Variants in PAQR8 observed in about 807,000 individuals in gnomAD.
PAQR8 encodes membrane progestin receptor beta.
In PAQR8, 17 loss-of-function variants were observed where a neutral mutation model predicts 25.2. The ratio of observed to expected loss-of-function variants is 0.67; its 90% CI spans 0.46 to 1.01. PAQR8 has a LOEUF of 1.01. Among genes scored for constraint, PAQR8 ranks in the 50% least tolerant of loss-of-function variants. The probability of loss-of-function intolerance (pLI) is 0.00; values close to 1 mark genes in which losing one functional copy is unlikely to be tolerated. For synonymous variants in PAQR8, 204 were observed against 190.6 expected (o/e 1.07, Z -0.58); for missense variants, 392 against 448.4 (o/e 0.87, Z 1.14).
At chr6:52,378,382 T>C (rs189746521) in intron 1 of PAQR8, among the ~76,000 whole-genome samples, 22 of 152,354 alleles carry the variant, frequency 1.4e-4, no homozygotes, top group African/African-American at 3.8e-4. Flanking sequence ...TGATTCTCTT[T>C]TGGTAGTGTT....
intron 1 of PAQR8, among the ~76,000 whole-genome samples, chr6:52,363,050 C>T (rs1195546419): frequency 6.6e-6 from 1 of 151,994 alleles, no homozygotes; most frequent in African/African-American, 2.4e-5. Context: ...GCAGCGCCCT[C>T]GGTGGAACAG....
intron 1 of PAQR8, among the ~76,000 whole-genome samples, chr6:52,391,571 T>C (rs1036144912): frequency 4.6e-5 from 7 of 152,198 alleles, no homozygotes. Flanking sequence ...CCTTGGAAGA[T>C]GTAGCTATAA....
In PAQR8 at chr6:52,398,251, C is replaced by T. The variant is rs1406230276; in HGVS notation, c.-52-4911C>T. On this transcript the variant is annotated intron_variant, in intron 1 of 1. Transcript: ENST00000442253. ...GGCAGAGTTTCACTCTTGTTGCCCACGCTGGAGTGCAATGGCGTGATCTTG... is the reference window on the plus strand; with the variant it reads ...GGCAGAGTTTCACTCTTGTTGCCCATGCTGGAGTGCAATGGCGTGATCTTG... Among the ~76,000 whole-genome samples the T allele has an allele frequency of 6.0e-4, 88 of 146,212 alleles. 1 individual carries two copies. The highest frequency in any genetic ancestry group is 2.1e-3 in the African/African-American group (83 of 39,250).
At chr6:52,382,534 A>G (rs1763573018) in intron 1 of PAQR8, among the ~76,000 whole-genome samples, 1 of 152,230 alleles carries the variant, frequency 6.6e-6, no homozygotes, top group South Asian at 2.1e-4. Context: ...AGAGAATAGC[A>G]ACTAATGTGG....
At chr6:52,379,096 CAAAAAAAAA>C (rs70977347) in intron 1 of PAQR8, among the ~76,000 whole-genome samples, 4 of 93,000 alleles carry the variant, frequency 4.3e-5, no homozygotes, top group African/African-American at 7.9e-5. Flanking sequence ...TACTCTTTAT[CAAAAAAAAA>C]AAAAAAAAAA....
At chr6:52,396,786 G>C (rs1032742454) in intron 1 of PAQR8, among the ~76,000 whole-genome samples, 1 of 152,204 alleles carries the variant, frequency 6.6e-6, no homozygotes, top group African/African-American at 2.4e-5. Context: ...ATTAGATGTA[G>C]GGGACGAGTC....
At chr6:52,379,492 C>G (rs1294738969) in intron 1 of PAQR8, among the ~76,000 whole-genome samples, 1 of 152,170 alleles carries the variant, frequency 6.6e-6, no homozygotes, top group African/African-American at 2.4e-5. Context: ...CGCTCTGTTG[C>G]CTAGGCTGGA....
At chr6:52,398,483 C>T (rs1763794085) in intron 1 of PAQR8, among the ~76,000 whole-genome samples, 1 of 151,612 alleles carries the variant, frequency 6.6e-6, no homozygotes, top group Non-Finnish European at 1.5e-5. Flanking sequence ...GCTGGGATTA[C>T]AGGTGTGAGC....
chr6:52,401,899 T>C (rs935514904), intron 1 of PAQR8, among the ~76,000 whole-genome samples: 3 of 152,226 alleles, frequency 2.0e-5, no homozygotes, highest in African/African-American at 7.2e-5. Flanking sequence ...TTAAAGCCTG[T>C]TTATTACATT....
intron 1 of PAQR8, among the ~76,000 whole-genome samples, chr6:52,399,180 T>G (rs1763802843): frequency 6.6e-6 from 1 of 152,342 alleles, no homozygotes; most frequent in East Asian, 1.9e-4. Flanking sequence ...TCTATAAATC[T>G]CTTCCTAGTT....
intron 1 of PAQR8, 69 bp from the exon 2 acceptor site, chr6:52,403,093 G>A (rs1338513146): frequency 1.2e-6 from 1 of 823,810 alleles, no homozygotes; most frequent in Non-Finnish European, 1.8e-6. Context: ...AATAGCCATA[G>A]TTCCTTGTCC....
rs186353707 is a variant in PAQR8 at position 52,383,848 on chromosome 6, T to C, written c.-52-19314T>C. Among the ~76,000 whole-genome samples the C allele has an allele frequency of 3.3e-3, 508 of 152,254 alleles. 2 individuals carry two copies. The highest frequency in any genetic ancestry group is 0.012 in the African/African-American group (497 of 41,540). On this transcript the variant is annotated intron_variant, in intron 1 of 1. Transcript: ENST00000442253. ...TCAGGCTCAGGAATGTAAGCTTTAG[T>C]TGGCAAAGAGGAAAGGCCCACTGGT...
intron 1 of PAQR8, among the ~76,000 whole-genome samples, chr6:52,390,336 A>C (rs1763689134): frequency 6.6e-6 from 1 of 152,224 alleles, no homozygotes; most frequent in African/African-American, 2.4e-5. Context: ...TAGTTAGATA[A>C]AGAGAAAAAG....
chr6:52,370,935 G>A (rs1763412913), intron 1 of PAQR8, among the ~76,000 whole-genome samples: 1 of 152,126 alleles, frequency 6.6e-6, no homozygotes, highest in Non-Finnish European at 1.5e-5. Flanking sequence ...TTTGCAGAAA[G>A]GAAAAAATTA....
chr6:52,403,998 TCTC>T lies in PAQR8; in HGVS notation c.788_790del (p.Ser263del). 2 of 1,614,178 alleles carry T rather than the reference TCTC, an allele frequency of 1.2e-6. No individual in the cohort carries two copies. Among genetic ancestry groups the T allele is most frequent in the East Asian group, 2.2e-5 (1 of 44,882 alleles). On this transcript the variant is annotated inframe_deletion, in exon 2 of 2. Coordinates refer to ENST00000442253, the MANE Select transcript of PAQR8 (RefSeq NM_133367.5). ...TTCTTCCTGGTTAGCGCTTATTTCT[TCTC>T]CTGCCCCGTGCCTGAGAAGTACTTC...
intron 1 of PAQR8, among the ~76,000 whole-genome samples, chr6:52,400,235 G>A (rs1294459811): frequency 6.6e-6 from 1 of 152,148 alleles, no homozygotes; most frequent in African/African-American, 2.4e-5. Flanking sequence ...CAGGGTTACA[G>A]GGGCTGCCAT....
Position 52,404,839 on chromosome 6 carries a change from C to T in PAQR8, c.*561C>T, listed in dbSNP as rs138127368. 6.5e-5 allele frequency: 11 copies of T among 168,928 alleles called. No homozygotes were observed. The highest frequency in any genetic ancestry group is 1.6e-4 in the Non-Finnish European group (11 of 69,304). The allele number at this position is 168,928 out of a possible 1,614,324, so 10.5% of individuals were successfully genotyped here. A position where few individuals can be genotyped will look rare whatever the true frequency, so the allele number is the denominator to read the frequency against. ...CCCTCCTTTCTCGACAACTATAATA[C>T]TAACCCTTTTCTCAGGATAACTGTC... On this transcript the variant is annotated 3_prime_UTR_variant, in exon 2 of 2. Coordinates refer to ENST00000442253, the MANE Select transcript of PAQR8 (RefSeq NM_133367.5).
intron 1 of PAQR8, among the ~76,000 whole-genome samples, chr6:52,389,425 A>G (rs998568253): frequency 1.3e-5 from 2 of 152,168 alleles, no homozygotes; most frequent in African/African-American, 2.4e-5. Flanking sequence ...AATAAGCAGA[A>G]GAGAGAAGGC....
At chr6:52,393,644 T>C (rs1469859418) in intron 1 of PAQR8, among the ~76,000 whole-genome samples, 1 of 152,164 alleles carries the variant, frequency 6.6e-6, no homozygotes, top group African/African-American at 2.4e-5. Flanking sequence ...TTGGACACTT[T>C]CCATTCATTC....
Sources: gnomAD v4.1 joint callset for allele counts (sites outside exome capture counted in the v4.1 genomes callset) on GRCh38, gnomAD v4.1.1 for gene constraint, MANE v1.5 for transcripts, NCBI Gene and HGNC (gene_info 2026-07-23, HGNC 2026-07-21) for gene names.